Variants in SLC25A24 observed in about 807,000 individuals in gnomAD.
SLC25A24 encodes mitochondrial adenyl nucleotide antiporter SLC25A24.
A neutral mutation model predicts 60.7 loss-of-function variants in SLC25A24; 49 were observed. The ratio of observed to expected loss-of-function variants is 0.81; its 90% confidence interval spans 0.64 to 1.02. The LOEUF is 1.02. Ranked by LOEUF, SLC25A24 falls within the 50% of genes least tolerant of loss-of-function variation. SLC25A24 has a pLI of 0.00. For synonymous variants in SLC25A24, 202 were observed against 200.6 expected (o/e 1.01, Z -0.06); for missense variants, 564 against 586.3 (o/e 0.96, Z 0.39).
In SLC25A24 at chr1:108,200,219, G is replaced by A. The variant is rs1648623194; in HGVS notation, c.-81C>T. 1.5e-6 allele frequency: 2 copies of A among 1,325,086 alleles called. No individual in the cohort carries two copies. The highest frequency in any genetic ancestry group is 2.0e-6 in the Non-Finnish European group (2 of 1,020,676). 82.1% of individuals were successfully genotyped at this position (1,325,086 alleles called of 1,614,324 possible). A position where few individuals can be genotyped will look rare whatever the true frequency, so the allele number is the denominator to read the frequency against. Reference sequence around the variant, plus strand: ...GGGGCGAGACCGGGACCAGCGCGAGGCCGGGCTGGGCGGGGCGCGCGGCGC... The same window carrying A: ...GGGGCGAGACCGGGACCAGCGCGAGACCGGGCTGGGCGGGGCGCGCGGCGC... On this transcript the variant is annotated 5_prime_UTR_variant, in exon 1 of 10. Coordinates refer to ENST00000565488, the MANE Select transcript of SLC25A24 (RefSeq NM_013386.5).
chr1:108,166,192 G>A (rs1402984686), intron 3 of SLC25A24, among the ~76,000 whole-genome samples: 1 of 152,120 alleles, frequency 6.6e-6, no homozygotes, highest in African/African-American at 2.4e-5. Context: ...TCCATTTGAG[G>A]GTAACCCGAC....
chr1:108,198,298 C>T (rs576898095), intron 1 of SLC25A24, among the ~76,000 whole-genome samples: 13 of 152,052 alleles, frequency 8.5e-5, no homozygotes, highest in Non-Finnish European at 1.5e-4. Flanking sequence ...AGACTGATAC[C>T]CTGAATGAGC....
rs915229092 is a variant in SLC25A24, at chr1:108,191,398, G to C, written c.184-5444C>G. 2.1e-5 allele frequency among the ~76,000 whole-genome samples: 3 copies of C among 140,024 alleles called. 1 individual carries two copies. The allele number at this position is 140,024 out of a possible 152,430, so 91.9% of individuals were successfully genotyped here. ...ACCTGCCTTGGCCTCCCAAAGTGCT[G>C]GAATTACAGGCATGAGCCACTGCAC... On this transcript the variant is annotated intron_variant, in intron 1 of 9. Transcript: ENST00000565488.
chr1:108,143,477 A>T, intron 8 of SLC25A24, 66 bp downstream of exon 8: 1 of 1,343,202 alleles, frequency 7.4e-7, no homozygotes, highest in Admixed American at 2.2e-5. Context: ...CTACTTCTTC[A>T]TATAAAGTCC....
intron 8 of SLC25A24, among the ~76,000 whole-genome samples, chr1:108,140,815 A>T (rs1679424461): frequency 2.5e-5 from 1 of 39,240 alleles, no homozygotes; most frequent in Admixed American, 3.5e-4. Flanking sequence ...AGAACATATC[A>T]CTACAAAAAA....
At chr1:108,152,294 T>C in intron 6 of SLC25A24, among the ~76,000 whole-genome samples, 1 of 152,172 alleles carries the variant, frequency 6.6e-6, no homozygotes, top group East Asian at 1.9e-4. Context: ...CAGTGAGTGA[T>C]GCCTTCTTGT....
chr1:108,150,369 A>G (rs952111156), intron 6 of SLC25A24, among the ~76,000 whole-genome samples: 1 of 152,216 alleles, frequency 6.6e-6, no homozygotes, highest in African/African-American at 2.4e-5. Context: ...AGATGAGGTA[A>G]TAGTCACAGA....
At position 108,147,451 on chromosome 1, in the gene SLC25A24, A is replaced by C. The variant is rs182130310; in HGVS notation, c.930+828T>G. On this transcript the variant is annotated intron_variant, in intron 7 of 9. Transcript: ENST00000565488. Reference sequence around the variant, plus strand: ...CCTTAGCTACTTCTTGTCTTCCGCTATCTTTTGAATTTGTTTGCTCTTGCT... The same window carrying C: ...CCTTAGCTACTTCTTGTCTTCCGCTCTCTTTTGAATTTGTTTGCTCTTGCT... Among the ~76,000 whole-genome samples, 394 of 152,226 alleles carry C rather than the reference A, an allele frequency of 2.6e-3. 3 individuals carry two copies. The highest frequency in any genetic ancestry group is 0.017 in the Middle Eastern group (5 of 294).
intron 6 of SLC25A24, among the ~76,000 whole-genome samples, chr1:108,153,755 G>C (rs891158806): frequency 6.6e-6 from 1 of 152,218 alleles, no homozygotes; most frequent in Non-Finnish European, 1.5e-5. Context: ...CAGAAGCAGA[G>C]GATGCCTGTT....
At chr1:108,142,864 C>G (rs528984749) in intron 8 of SLC25A24, among the ~76,000 whole-genome samples, 2 of 152,156 alleles carry the variant, frequency 1.3e-5, no homozygotes, top group African/African-American at 4.8e-5. Flanking sequence ...TGAACTAAAT[C>G]TCAATAAAGC....
At position 108,170,212 on chromosome 1, in the gene SLC25A24, C is replaced by A. The variant is rs914116520; in HGVS notation, c.399-8919G>T. On this transcript the variant is annotated intron_variant, in intron 3 of 9. Coordinates refer to ENST00000565488, the MANE Select transcript of SLC25A24 (RefSeq NM_013386.5). The stretch of plus-strand genomic sequence containing the variant: ...CAACGTGTCCTTGAATTTCCACTTA[C>A]GATTTCCTTTGACCCATAAGTTGAG... Among the ~76,000 whole-genome samples, 3 of 152,114 alleles carry A rather than the reference C, an allele frequency of 2.0e-5. No homozygotes were observed. In the East Asian group the frequency reaches 5.8e-4, roughly 29 times the overall value.
intron 4 of SLC25A24, among the ~76,000 whole-genome samples, chr1:108,160,801 ACAGT>A (rs765739727): frequency 4.6e-5 from 7 of 152,208 alleles, no homozygotes; most frequent in East Asian, 1.9e-4. Flanking sequence ...AATACGAAAA[ACAGT>A]CAGGCGTGGC....
chr1:108,162,343 G>C (rs902575476), intron 3 of SLC25A24, among the ~76,000 whole-genome samples: 3 of 149,296 alleles, frequency 2.0e-5, no homozygotes, highest in Non-Finnish European at 3.0e-5. Flanking sequence ...GATATTTCTA[G>C]TTCTAGATCC....
intron 1 of SLC25A24, chr1:108,198,600 A>C (rs1200075036): frequency 6.6e-6 from 1 of 152,250 alleles, no homozygotes; most frequent in Non-Finnish European, 1.5e-5. Context: ...AATATGATGC[A>C]GTTACGTAAA....
intron 1 of SLC25A24, chr1:108,198,584 T>A (rs1423757938): frequency 4.6e-5 from 7 of 152,212 alleles, no homozygotes; most frequent in African/African-American, 1.4e-4. Context: ...CACAAACATA[T>A]AACAGAATAT....
chr1:108,160,498 C>T lies in SLC25A24; in HGVS notation c.510+684G>A, dbSNP rs545837719. ...GCCAGGCAGAGGGGCTCCTCATATC[C>T]CAGACGATGGGCGGCCAGGCAGAGA... is the stretch of plus-strand genomic sequence containing the variant. On this transcript the variant is annotated intron_variant, in intron 4 of 9. Coordinates refer to ENST00000565488, the MANE Select transcript of SLC25A24 (RefSeq NM_013386.5). 3.4e-5 allele frequency among the ~76,000 whole-genome samples: 5 copies of T among 147,234 alleles called. No individual in the cohort carries two copies. The East Asian group carries it at 1.0e-3, about 30-fold the overall frequency.
intron 3 of SLC25A24, among the ~76,000 whole-genome samples, chr1:108,170,694 A>T (rs10218750): frequency 0.44 from 66,990 of 151,688 alleles, 14,992 homozygotes; most frequent in Middle Eastern, 0.59. Flanking sequence ...TATATAATCT[A>T]TTATTAATAG....
rs774496764 is a variant in SLC25A24, at chr1:108,181,988, T to A, written c.351A>T (p.Thr117=). 2 of 1,613,064 alleles carry A rather than the reference T, an allele frequency of 1.2e-6. No individual in the cohort carries two copies. Among genetic ancestry groups the A allele is most frequent in the South Asian group, 2.2e-5 (2 of 90,932 alleles). ...GTTGTTCAGAAATAGTCAGACCCAG[T>A]GTCTGGAGAGACTGGACAATTTCTG... is the stretch of plus-strand genomic sequence containing the variant. ...EASEIVQSLQ[T]LGLTISEQQA... Residue 117 remains threonine (T), a synonymous_variant, in exon 3 of 10, where the codon ACA becomes ACT. Transcript: ENST00000565488.
In SLC25A24 at chr1:108,144,403, T is replaced by C. The variant is rs184281294; in HGVS notation, c.931-693A>G. Among the ~76,000 whole-genome samples the C allele has an allele frequency of 9.9e-5, 15 of 152,276 alleles. No individual in the cohort carries two copies. In the East Asian group the frequency reaches 2.5e-3, roughly 25 times the overall value. ...CCTAAAATATTAGGTCTCGGTTGTATATTACTTTTCTTTTCTTTTGTTTTT... is the reference window on the plus strand; with the variant it reads ...CCTAAAATATTAGGTCTCGGTTGTACATTACTTTTCTTTTCTTTTGTTTTT... On this transcript the variant is annotated intron_variant, in intron 7 of 9. Transcript: ENST00000565488.
Sources: allele counts gnomAD v4.1 joint callset (sites outside exome capture counted in the v4.1 genomes callset), GRCh38; gene constraint gnomAD v4.1.1; transcripts MANE v1.5; gene names NCBI Gene and HGNC (gene_info 2026-07-23, HGNC 2026-07-21).